Variants in NCOA2 observed in about 807,000 individuals in gnomAD.
NCOA2 encodes nuclear receptor coactivator 2.
A neutral mutation model predicts 145.1 loss-of-function variants in NCOA2; 21 were observed. The observed-to-expected ratio is 0.14, with a 90% CI of 0.10 to 0.21. The LOEUF (loss-of-function observed/expected upper bound fraction) is 0.21, where lower values mean the gene tolerates loss of function less well. Among genes scored for constraint, NCOA2 ranks in the 10% least tolerant of loss-of-function variants. The pLI is 1.00. For synonymous variants in NCOA2, 619 were observed against 637.5 expected (o/e 0.97, Z 0.44); for missense variants, 1,472 against 1,837.6 (o/e 0.80, Z 3.64).
chr8:70,146,880 G>A (rs1172497897), intron 12 of NCOA2, among the ~76,000 whole-genome samples: 1 of 150,972 alleles, frequency 6.6e-6, no homozygotes, highest in Non-Finnish European at 1.5e-5. Context: ...TAGTAGAGAT[G>A]GGGTTTCACC....
chr8:70,380,405 A>C (rs1812078419), intron 1 of NCOA2, among the ~76,000 whole-genome samples: 1 of 152,148 alleles, frequency 6.6e-6, no homozygotes, highest in Non-Finnish European at 1.5e-5. Flanking sequence ...ACTCACACAC[A>C]CACATACTTT....
At position 70,128,668 on chromosome 8, in the gene NCOA2, C is replaced by A. The variant is rs763747082; in HGVS notation, c.3603+34G>T. On this transcript the variant is annotated intron_variant, in intron 17 of 22. Transcript: ENST00000452400. ...TCTTCCCCATGTCCTCCACCCAGCA[C>A]CCCTGACTTCCCAGGTGCCATCGAA... is the stretch of plus-strand genomic sequence containing the variant. 3 of 1,607,942 alleles carry A rather than the reference C, an allele frequency of 1.9e-6. No homozygotes were observed. The South Asian group carries it at 3.3e-5, about 18-fold the overall frequency.
intron 2 of NCOA2, among the ~76,000 whole-genome samples, chr8:70,237,179 T>C (rs1396883633): frequency 6.6e-6 from 1 of 152,218 alleles, no homozygotes; most frequent in East Asian, 1.9e-4. Context: ...TGTATTATCT[T>C]ATTTGATCCT....
At chr8:70,432,018 G>A in the NCOA2 span, among the ~76,000 whole-genome samples, 6 of 152,328 alleles carry the variant, frequency 3.9e-5, no homozygotes, top group Admixed American at 6.5e-5. Context: ...AAATCAGAGC[G>A]TGCTCTCAAG....
In NCOA2 at chr8:70,272,259, A is replaced by G. The variant is rs536030908; in HGVS notation, c.-20+24485T>C. Among the ~76,000 whole-genome samples the G allele has an allele frequency of 2.6e-5, 4 of 152,304 alleles. No homozygotes were observed. The South Asian group carries it at 6.2e-4, about 24-fold the overall frequency. On this transcript the variant is annotated intron_variant, in intron 2 of 22. Transcript: ENST00000452400. ...CCAGTATTCTGCTACAGGTATAGAC[A>G]TGGCTAAAATGCATTGATTCATCCT...
chr8:70,427,674 G>A, the NCOA2 span, among the ~76,000 whole-genome samples: 2 of 152,140 alleles, frequency 1.3e-5, no homozygotes, highest in Non-Finnish European at 2.9e-5. Flanking sequence ...CCTTCTCCCA[G>A]CCTCTGCCCC....
intron 19 of NCOA2, among the ~76,000 whole-genome samples, chr8:70,125,811 CAG>C (rs1808347098): frequency 6.6e-6 from 1 of 151,978 alleles, no homozygotes; most frequent in Admixed American, 6.6e-5. Flanking sequence ...TCGAGGCAAA[CAG>C]AATTTAAACT....
At chr8:70,341,202 G>A (rs531516829) in intron 1 of NCOA2, among the ~76,000 whole-genome samples, 1 of 151,958 alleles carries the variant, frequency 6.6e-6, no homozygotes, top group Non-Finnish European at 1.5e-5. Flanking sequence ...ACCTGATATA[G>A]TGAGACCCTA....
intron 1 of NCOA2, among the ~76,000 whole-genome samples, chr8:70,376,142 G>A (rs1428204389): frequency 6.6e-6 from 1 of 152,128 alleles, no homozygotes; most frequent in Non-Finnish European, 1.5e-5. Context: ...TAGAAACAGG[G>A]CAGGAGGAGG....
intron 21 of NCOA2, among the ~76,000 whole-genome samples, chr8:70,122,414 T>C (rs1807925280): frequency 2.6e-5 from 4 of 152,000 alleles, no homozygotes. Flanking sequence ...CATGCCTAGC[T>C]AATTTAAACT....
At chr8:70,224,700 T>G (rs1407149097) in intron 2 of NCOA2, among the ~76,000 whole-genome samples, 4 of 152,186 alleles carry the variant, frequency 2.6e-5, no homozygotes, top group Admixed American at 2.0e-4. Context: ...CATTTCACTT[T>G]GAGTCTTAGT....
intron 4 of NCOA2, among the ~76,000 whole-genome samples, chr8:70,202,743 C>T (rs558554587): frequency 6.6e-6 from 1 of 152,160 alleles, no homozygotes; most frequent in African/African-American, 2.4e-5. Context: ...AGATGAAATT[C>T]TAGAGATCCA....
chr8:70,145,089 A>G (rs1019572698), intron 12 of NCOA2, among the ~76,000 whole-genome samples: 2 of 152,242 alleles, frequency 1.3e-5, no homozygotes, highest in Non-Finnish European at 2.9e-5. Flanking sequence ...AAACACATGT[A>G]TATTATTTAC....
intron 6 of NCOA2, among the ~76,000 whole-genome samples, chr8:70,168,353 C>G (rs1436473631): frequency 2.0e-5 from 3 of 152,218 alleles, no homozygotes; most frequent in Non-Finnish European, 4.4e-5. Context: ...GACAGAGTCT[C>G]TGTCACCAAG....
intron 2 of NCOA2, among the ~76,000 whole-genome samples, chr8:70,231,557 T>C (rs917199974): frequency 2.6e-5 from 4 of 152,170 alleles, no homozygotes; most frequent in African/African-American, 9.7e-5. Flanking sequence ...GGAAAGACCC[T>C]AGGAGATCAG....
chr8:70,307,436 A>C (rs895826837), intron 1 of NCOA2, among the ~76,000 whole-genome samples: 2 of 152,192 alleles, frequency 1.3e-5, no homozygotes, highest in African/African-American at 2.4e-5. Context: ...GGTCCCAGAG[A>C]CCAAGAATGT....
intron 4 of NCOA2, among the ~76,000 whole-genome samples, chr8:70,196,402 T>G (rs1335503149): frequency 6.6e-6 from 1 of 152,048 alleles, no homozygotes; most frequent in Non-Finnish European, 1.5e-5. Context: ...AAATAAAAAA[T>G]AACCTTTCCT....
At chr8:70,400,942 C>A (rs987676572) in intron 1 of NCOA2, among the ~76,000 whole-genome samples, 3 of 152,174 alleles carry the variant, frequency 2.0e-5, no homozygotes, top group African/African-American at 4.8e-5. Flanking sequence ...AAATTAAATT[C>A]ATGGGATACT....
intron 4 of NCOA2, among the ~76,000 whole-genome samples, chr8:70,180,780 C>T (rs1815386904): frequency 6.6e-6 from 1 of 152,184 alleles, no homozygotes; most frequent in Non-Finnish European, 1.5e-5. Context: ...GATCATCACA[C>T]ACTACAGCCT....
Sources: gnomAD v4.1 joint callset for allele counts (sites outside exome capture counted in the v4.1 genomes callset) on GRCh38, gnomAD v4.1.1 for gene constraint, MANE v1.5 for transcripts, NCBI Gene and HGNC (gene_info 2026-07-23, HGNC 2026-07-21) for gene names.